Variants in PIAS2 observed in about 807,000 individuals in gnomAD.
PIAS2 encodes E3 SUMO-protein ligase PIAS2.
A neutral mutation model predicts 69.7 loss-of-function variants in PIAS2; 19 were observed. That is an observed-to-expected ratio of 0.27 (90% CI 0.19 to 0.40). The LOEUF (loss-of-function observed/expected upper bound fraction) is 0.40. PIAS2 is among the 10% of genes least tolerant of loss of function. The pLI, the probability that PIAS2 is intolerant of heterozygous loss-of-function variation, is 1.00. For synonymous variants in PIAS2, 261 were observed against 263.2 expected, an observed-to-expected ratio of 0.99 and a Z score of 0.08; for missense variants, 624 against 757.0, an observed-to-expected ratio of 0.82 and a Z score of 2.06.
rs892245163 is a variant in PIAS2 at position 46,812,170 on chromosome 18, G to A, written c.*263C>T. The stretch of plus-strand genomic sequence containing the variant: ...AGACTCCATCCATTAACGTATGAAA[G>A]TGAAATCCATCTCTCAGGAAGATAC... On this transcript the variant is annotated 3_prime_UTR_variant, in exon 14 of 14. Transcript: ENST00000585916. 1 of 287,780 alleles carries A rather than the reference G, an allele frequency of 3.5e-6. No homozygotes were observed. 17.8% of individuals were successfully genotyped at this position (287,780 alleles called of 1,614,324 possible).
chr18:46,837,988 A>G (rs1196293392), intron 8 of PIAS2, among the ~76,000 whole-genome samples: 1 of 152,234 alleles, frequency 6.6e-6, no homozygotes, highest in African/African-American at 2.4e-5. Flanking sequence ...GAAATGGGGA[A>G]AAGAACAAAC....
chr18:46,917,450 G>A lies in PIAS2; in HGVS notation c.-105C>T. On this transcript the variant is annotated 5_prime_UTR_variant, in exon 1 of 14. Transcript: ENST00000585916. Reference sequence around the variant, plus strand: ...CCGCCGCCGCCTCCAGCACCATCCTGCACTGGGCGCCGCTTAAGACGCCGC... The same window carrying A: ...CCGCCGCCGCCTCCAGCACCATCCTACACTGGGCGCCGCTTAAGACGCCGC... 1.6e-6 allele frequency: 2 copies of A among 1,245,608 alleles called. No homozygotes were observed. The highest frequency in any genetic ancestry group is 2.0e-6 in the Non-Finnish European group (2 of 990,768). The allele number at this position is 1,245,608 out of a possible 1,614,324, so 77.2% of individuals were successfully genotyped here. A position where few individuals can be genotyped will look rare whatever the true frequency, so the allele number is the denominator to read the frequency against.
At chr18:46,877,483 C>T (rs2051410958) in intron 2 of PIAS2, among the ~76,000 whole-genome samples, 1 of 148,290 alleles carries the variant, frequency 6.7e-6, no homozygotes, top group South Asian at 2.1e-4. Flanking sequence ...CTCCTGACCA[C>T]CCATTCTGTA....
intron 10 of PIAS2, among the ~76,000 whole-genome samples, chr18:46,829,440 T>C (rs990985991): frequency 6.6e-6 from 1 of 152,216 alleles, no homozygotes; most frequent in East Asian, 1.9e-4. Context: ...ACTGTCCATA[T>C]AAATTCATTT....
chr18:46,892,386 T>C (rs1470944648), intron 1 of PIAS2, among the ~76,000 whole-genome samples: 2 of 152,140 alleles, frequency 1.3e-5, no homozygotes, highest in Admixed American at 1.3e-4. Flanking sequence ...TATTAAATTG[T>C]AATCCTGGCA....
At chr18:46,899,819 G>A (rs2055510603) in intron 1 of PIAS2, among the ~76,000 whole-genome samples, 1 of 150,276 alleles carries the variant, frequency 6.7e-6, no homozygotes, top group African/African-American at 2.5e-5. Context: ...GGGGAGGGAG[G>A]TAGTCAACTA....
chr18:46,859,651 T>C (rs1184053263), intron 3 of PIAS2, among the ~76,000 whole-genome samples: 1 of 152,138 alleles, frequency 6.6e-6, no homozygotes, highest in African/African-American at 2.4e-5. Flanking sequence ...GTCTGGTCCA[T>C]AGTAGACAGT....
chr18:46,873,857 C>T (rs1644269598), intron 2 of PIAS2, among the ~76,000 whole-genome samples: 1 of 152,164 alleles, frequency 6.6e-6, no homozygotes, highest in African/African-American at 2.4e-5. Context: ...TCTGAAACGC[C>T]CGTTTTTCAC....
At position 46,871,789 on chromosome 18, in the gene PIAS2, G is replaced by T. The variant is rs556533927; in HGVS notation, c.500-7541C>A. The stretch of plus-strand genomic sequence containing the variant: ...AGAGGTCAAATATAAAAATTGATCA[G>T]CCCACTTTCAATTTCTGTTAATCCC... On this transcript the variant is annotated intron_variant, in intron 2 of 13. Coordinates refer to ENST00000585916, the MANE Select transcript of PIAS2 (RefSeq NM_004671.5). Among the ~76,000 whole-genome samples, 7 of 152,260 alleles carry T rather than the reference G, an allele frequency of 4.6e-5. No homozygotes were observed. The South Asian group carries it at 1.5e-3, about 32-fold the overall frequency.
At chr18:46,839,491 T>C (rs2044978049) in intron 8 of PIAS2, among the ~76,000 whole-genome samples, 1 of 152,174 alleles carries the variant, frequency 6.6e-6, no homozygotes, top group Non-Finnish European at 1.5e-5. Context: ...TTTTTATAAT[T>C]TTTTCTTTAA....
At chr18:46,917,670 G>A, upstream of PIAS2, 1 of 596,078 alleles carries the variant, frequency 1.7e-6, no homozygotes, top group Non-Finnish European at 2.1e-6. Flanking sequence ...GCCCCGCTCG[G>A]CCCCAGGTCG....
At chr18:46,842,349 T>C (rs970176503) in intron 8 of PIAS2, among the ~76,000 whole-genome samples, 9 of 151,936 alleles carry the variant, frequency 5.9e-5, no homozygotes, top group Admixed American at 5.2e-4. Flanking sequence ...TTGTTTTGGT[T>C]GCTCTCATGT....
In PIAS2 at chr18:46,832,892, C is replaced by CAAAAAAAAAAAA. The variant is rs34958166; in HGVS notation, c.1203-3037_1203-3026dup. Among the ~76,000 whole-genome samples the CAAAAAAAAAAAA allele has an allele frequency of 5.9e-3, 623 of 105,762 alleles. 12 individuals are homozygous for CAAAAAAAAAAAA. Among genetic ancestry groups the CAAAAAAAAAAAA allele is most frequent in the African/African-American group, 0.021 (568 of 27,230 alleles). The allele number at this position is 105,762 out of a possible 152,430, so 69.4% of individuals were successfully genotyped here. ...GGGCAACAGAGCAAGCCTCTGTCTC[C>CAAAAAAAAAAAA]AAAAAAAAAAAAAAAAAGAGAAGCC... On this transcript the variant is annotated intron_variant, in intron 9 of 13. Coordinates refer to ENST00000585916, the MANE Select transcript of PIAS2 (RefSeq NM_004671.5).
At position 46,827,956 on chromosome 18, in the gene PIAS2, A is replaced by T. The variant is rs780952961; in HGVS notation, c.1508+3T>A. The T allele has an allele frequency of 2.5e-6, 4 of 1,612,816 alleles. No individual in the cohort carries two copies. In the African/African-American group the frequency reaches 5.3e-5, roughly 22 times the overall value. On this transcript the variant is annotated splice_donor_region_variant and intron_variant, in intron 11 of 13. Transcript: ENST00000585916. ...AACAATAGTGAACTATAAATTAACA[A>T]ACCCTTTGGTTGGGCTGCTTTGTGT...
At chr18:46,888,771 A>G (rs2053606963) in intron 2 of PIAS2, among the ~76,000 whole-genome samples, 1 of 152,116 alleles carries the variant, frequency 6.6e-6, no homozygotes, top group Non-Finnish European at 1.5e-5. Flanking sequence ...TGCTGATCTG[A>G]CAGGAGGTGG....
intron 11 of PIAS2, chr18:46,827,421 G>A (rs764788741): frequency 1.3e-5 from 2 of 152,174 alleles, no homozygotes; most frequent in African/African-American, 4.8e-5. Context: ...AAAAGGGAAA[G>A]GAATCAATTT....
chr18:46,852,673 C>G (rs962665629), intron 5 of PIAS2: 2 of 152,226 alleles, frequency 1.3e-5, no homozygotes, highest in African/African-American at 4.8e-5. Flanking sequence ...AACTCCAAGC[C>G]ATCCTCAGTG....
At chr18:46,892,082 C>T (rs1303253619) in intron 1 of PIAS2, among the ~76,000 whole-genome samples, 1 of 152,096 alleles carries the variant, frequency 6.6e-6, no homozygotes, top group African/African-American at 2.4e-5. Context: ...ACTCCCCCAA[C>T]CCAGCCCGTG....
At chr18:46,910,885 G>A (rs1024932712) in intron 1 of PIAS2, among the ~76,000 whole-genome samples, 13 of 152,158 alleles carry the variant, frequency 8.5e-5, no homozygotes, top group Admixed American at 5.9e-4. Context: ...TTCAACATTC[G>A]AGAACTCAGA....
Sources: gnomAD v4.1 joint callset for allele counts (sites outside exome capture counted in the v4.1 genomes callset) on GRCh38, gnomAD v4.1.1 for gene constraint, MANE v1.5 for transcripts, NCBI Gene and HGNC (gene_info 2026-07-23, HGNC 2026-07-21) for gene names.